PTPRD: variants seen among roughly 807,000 people sequenced by gnomAD.
The protein encoded by PTPRD is protein tyrosine phosphatase receptor type D.
PTPRD carries 34 observed loss-of-function variants against 214.5 expected under a neutral mutation model. The observed-to-expected ratio is 0.16, with a 90% CI of 0.12 to 0.21. The LOEUF is 0.21. PTPRD is among the 10% of genes least tolerant of loss of function. The pLI is 1.00. For missense variants in PTPRD, 2,545 were observed against 2,398.7 expected (o/e 1.06, Z -1.27); for synonymous variants, 1,128 against 845.7 (o/e 1.33, Z -5.79).
At chr9:9,046,986 T>A (rs2099673825) in intron 10 of PTPRD, among the ~76,000 whole-genome samples, 1 of 152,180 alleles carries the variant, frequency 6.6e-6, no homozygotes, top group African/African-American at 2.4e-5. Flanking sequence ...TAATCCTTGC[T>A]TGCAGATGGT....
intron 8 of PTPRD, among the ~76,000 whole-genome samples, chr9:9,524,755 A>T (rs575360732): frequency 3.9e-5 from 6 of 152,334 alleles, no homozygotes; most frequent in African/African-American, 1.4e-4. Context: ...TTTTACATTG[A>T]CTAAATTTTA....
At chr9:9,213,818 A>ATC (rs142829507) in intron 9 of PTPRD, among the ~76,000 whole-genome samples, 9 of 151,758 alleles carry the variant, frequency 5.9e-5, no homozygotes, top group Admixed American at 3.3e-4. Flanking sequence ...TTTATCTATC[A>ATC]TCTCTCTCTC....
At chr9:8,772,601 C>A (rs957473694) in intron 11 of PTPRD, among the ~76,000 whole-genome samples, 1 of 151,856 alleles carries the variant, frequency 6.6e-6, no homozygotes, top group Non-Finnish European at 1.5e-5. Flanking sequence ...TATGACTACG[C>A]CACTGCAATC....
Position 9,389,522 on chromosome 9 carries a change from TA to T in PTPRD, c.-203+7926del, listed in dbSNP as rs1022161457. ...CTCCATCTCAAAATAATAATAATAATAAAAAAACATTAATTATGTTCCAGTA... is the reference window on the plus strand; with the variant it reads ...CTCCATCTCAAAATAATAATAATAATAAAAAACATTAATTATGTTCCAGTA... On this transcript the variant is annotated intron_variant, in intron 9 of 45. Transcript: ENST00000381196. 1.6e-4 allele frequency among the ~76,000 whole-genome samples: 25 copies of T among 152,012 alleles called. No individual in the cohort carries two copies. The Middle Eastern group carries it at 0.014, about 83-fold the overall frequency.
At chr9:9,484,105 G>C (rs1050509210) in intron 8 of PTPRD, among the ~76,000 whole-genome samples, 2 of 151,494 alleles carry the variant, frequency 1.3e-5, no homozygotes, top group Non-Finnish European at 2.9e-5. Context: ...ATTGGAAAAA[G>C]TAATGGGTTA....
intron 14 of PTPRD, among the ~76,000 whole-genome samples, chr9:8,632,031 G>T (rs1203019877): frequency 6.6e-6 from 1 of 151,602 alleles, no homozygotes; most frequent in Non-Finnish European, 1.5e-5. Flanking sequence ...TACTTTCCCT[G>T]CAACTTAATA....
chr9:9,264,679 G>T (rs1938261054), intron 9 of PTPRD, among the ~76,000 whole-genome samples: 1 of 151,558 alleles, frequency 6.6e-6, no homozygotes, highest in Admixed American at 6.6e-5. Context: ...CCAGATACGT[G>T]AAGCTTAAAG....
At chr9:9,317,524 G>C (rs914249613) in intron 9 of PTPRD, among the ~76,000 whole-genome samples, 4 of 151,946 alleles carry the variant, frequency 2.6e-5, no homozygotes, top group African/African-American at 9.7e-5. Context: ...CGTCACATCT[G>C]CTTGTGCCTC....
intron 8 of PTPRD, among the ~76,000 whole-genome samples, chr9:9,425,482 T>C (rs1214018095): frequency 6.7e-6 from 1 of 148,296 alleles, no homozygotes; most frequent in Non-Finnish European, 1.5e-5. Flanking sequence ...TATATATGTT[T>C]GGTGCAAAAG....
At chr9:9,418,907 G>A (rs1424435803) in intron 8 of PTPRD, among the ~76,000 whole-genome samples, 1 of 151,790 alleles carries the variant, frequency 6.6e-6, no homozygotes, top group Non-Finnish European at 1.5e-5. Flanking sequence ...TATTTGAATT[G>A]GGCTTTTAGT....
intron 11 of PTPRD, among the ~76,000 whole-genome samples, chr9:8,913,019 C>G (rs2098758475): frequency 6.6e-6 from 1 of 152,056 alleles, no homozygotes; most frequent in Non-Finnish European, 1.5e-5. Flanking sequence ...CTTTTAGGTT[C>G]TTAAGCTTAA....
At position 9,457,691 on chromosome 9, in the gene PTPRD, T is replaced by C. The variant is rs2093202222; in HGVS notation, c.-236-60209A>G. On this transcript the variant is annotated intron_variant, in intron 8 of 45. Coordinates refer to ENST00000381196, the MANE Select transcript of PTPRD (RefSeq NM_002839.4). ...GTACAACATGTTACATATATTTAAC[T>C]CTAATATGCAACCATTAGGTTTTTT... Among the ~76,000 whole-genome samples, 6 of 152,218 alleles carry C rather than the reference T, an allele frequency of 3.9e-5. No individual in the cohort carries two copies. In the South Asian group the frequency reaches 1.2e-3, roughly 31 times the overall value.
intron 3 of PTPRD, among the ~76,000 whole-genome samples, chr9:10,038,255 C>T (rs1243521416): frequency 6.6e-6 from 1 of 152,012 alleles, no homozygotes; most frequent in Admixed American, 6.6e-5. Flanking sequence ...ACATTTTGCC[C>T]TTATCATTCT....
At chr9:9,523,584 G>C (rs1350206837) in intron 8 of PTPRD, among the ~76,000 whole-genome samples, 1 of 151,982 alleles carries the variant, frequency 6.6e-6, no homozygotes, top group African/African-American at 2.4e-5. Flanking sequence ...CAGAAGTCTG[G>C]CTTCTGCTTT....
At chr9:9,370,095 C>A (rs1184037774) in intron 9 of PTPRD, among the ~76,000 whole-genome samples, 1 of 152,120 alleles carries the variant, frequency 6.6e-6, no homozygotes, top group Non-Finnish European at 1.5e-5. Context: ...GCGATGCGGG[C>A]TCTTTTTTCG....
rs75953087 is a variant in PTPRD at position 8,492,065 on chromosome 9, T to C, written c.2467+797A>G. On this transcript the variant is annotated intron_variant, in intron 27 of 45. Transcript: ENST00000381196. ...CTGACCAAAGTCATCCTAAAAAGCA[T>C]TGAAGAAACCTTATTCTTTAGAGGG... Among the ~76,000 whole-genome samples the C allele has an allele frequency of 2.5e-3, 388 of 152,348 alleles. 2 individuals carry two copies. The highest frequency in any genetic ancestry group is 8.8e-3 in the African/African-American group (366 of 41,582).
intron 10 of PTPRD, among the ~76,000 whole-genome samples, chr9:9,115,697 A>T (rs1471371205): frequency 6.6e-6 from 1 of 152,162 alleles, no homozygotes; most frequent in African/African-American, 2.4e-5. Context: ...ATCACAACAC[A>T]ATTCAGTTTT....
intron 6 of PTPRD, among the ~76,000 whole-genome samples, chr9:9,758,088 A>C (rs1415002323): frequency 6.6e-6 from 1 of 150,616 alleles, no homozygotes; most frequent in African/African-American, 2.4e-5. Flanking sequence ...TTGCAAACAC[A>C]TCCTAACACC....
At chr9:8,513,481 A>G (rs2097722235) in intron 21 of PTPRD, among the ~76,000 whole-genome samples, 1 of 152,098 alleles carries the variant, frequency 6.6e-6, no homozygotes, top group African/African-American at 2.4e-5. Context: ...AGAATGAAAG[A>G]TAATAAAATT....
Sources: allele counts gnomAD v4.1 joint callset (sites outside exome capture counted in the v4.1 genomes callset), GRCh38; gene constraint gnomAD v4.1.1; transcripts MANE v1.5; gene names NCBI Gene and HGNC (gene_info 2026-07-23, HGNC 2026-07-21).